SNX8: variants seen among roughly 807,000 people sequenced by gnomAD.
SNX8 encodes sorting nexin-8.
A neutral mutation model predicts 51.6 loss-of-function variants in SNX8; 25 were observed. The ratio of observed to expected loss-of-function variants is 0.48; its 90% CI spans 0.35 to 0.68. SNX8 has a LOEUF of 0.68. Among genes scored for constraint, SNX8 ranks in the 30% least tolerant of loss-of-function variants. The probability of loss-of-function intolerance (pLI) is 0.00; values close to 1 mark genes in which losing one functional copy is unlikely to be tolerated. For synonymous variants in SNX8, 324 were observed against 277.0 expected (o/e 1.17, Z -1.68); for missense variants, 695 against 624.0 (o/e 1.11, Z -1.21).
chr7:2,341,499 CA>C (rs928354248), intron 1 of SNX8, among the ~76,000 whole-genome samples: 2 of 150,688 alleles, frequency 1.3e-5, no homozygotes, highest in East Asian at 2.0e-4. Context: ...GACTCCATCT[CA>C]AAAAAAAGCA....
intron 1 of SNX8, among the ~76,000 whole-genome samples, chr7:2,327,745 T>C (rs1221252254): frequency 6.6e-6 from 1 of 151,826 alleles, no homozygotes; most frequent in Non-Finnish European, 1.5e-5. Context: ...GGTTTCACCG[T>C]GTTAGCCAGG....
intron 2 of SNX8, among the ~76,000 whole-genome samples, chr7:2,275,997 C>CA (rs772419452): frequency 0.034 from 3,599 of 104,758 alleles, 40 homozygotes; most frequent in Middle Eastern, 0.071. Context: ...GACTCCATTT[C>CA]AAAAAAAAAA....
At chr7:2,263,899 T>A (rs773263071) in intron 6 of SNX8, among the ~76,000 whole-genome samples, 8 of 152,024 alleles carry the variant, frequency 5.3e-5, no homozygotes, top group Non-Finnish European at 7.4e-5. Flanking sequence ...GTATTTTTAG[T>A]AGAGACGGGT....
chr7:2,315,153 C>T (rs550157192), upstream of SNX8, among the ~76,000 whole-genome samples: 1 of 151,610 alleles, frequency 6.6e-6, no homozygotes, highest in Non-Finnish European at 1.5e-5. Context: ...CTCACTGCAT[C>T]CTGCATTCAT....
intron 10 of SNX8, among the ~76,000 whole-genome samples, chr7:2,255,636 G>T (rs1410736605): frequency 6.6e-6 from 1 of 152,242 alleles, no homozygotes; most frequent in Non-Finnish European, 1.5e-5. Flanking sequence ...CTACTCGGGA[G>T]GTTGAGGCTG....
chr7:2,309,717 G>C (rs190128313), intron 1 of SNX8: 48 of 455,974 alleles, frequency 1.1e-4, no homozygotes, highest in African/African-American at 8.8e-4. Context: ...GACAACAAGA[G>C]CGAGACTCCA....
At chr7:2,344,563 G>A (rs1202374488) in intron 1 of SNX8, among the ~76,000 whole-genome samples, 1 of 145,198 alleles carries the variant, frequency 6.9e-6, no homozygotes, top group African/African-American at 2.6e-5. Context: ...AGTGGGCCGA[G>A]ATCGCGCCAC....
chr7:2,293,126 G>GCC (rs1241804110), intron 1 of SNX8, among the ~76,000 whole-genome samples: 5 of 150,666 alleles, frequency 3.3e-5, no homozygotes, highest in Non-Finnish European at 5.9e-5. Context: ...ACCAGGCTGG[G>GCC]CACAGTGGCT....
chr7:2,329,767 G>A (rs926638403), intron 1 of SNX8, among the ~76,000 whole-genome samples: 48 of 152,066 alleles, frequency 3.2e-4, no homozygotes, highest in African/African-American at 1.1e-3. Context: ...GGGTATGGAA[G>A]CTCCACCGCC....
rs148843537 is a variant in SNX8 at position 2,312,473 on chromosome 7, T to C, written c.94+1855A>G. On this transcript the variant is annotated intron_variant, in intron 1 of 10. Coordinates refer to ENST00000222990, the MANE Select transcript of SNX8 (RefSeq NM_013321.4). Reference sequence around the variant, plus strand: ...CGCTGGCCTCCAACATGTGACTTCATGGACACAATGTTCTAATCAGCGAGA... The same window carrying C: ...CGCTGGCCTCCAACATGTGACTTCACGGACACAATGTTCTAATCAGCGAGA... 2.4e-3 allele frequency among the ~76,000 whole-genome samples: 358 copies of C among 152,278 alleles called. 3 individuals carry two copies. Among genetic ancestry groups the C allele is most frequent in the Middle Eastern group, 6.8e-3 (2 of 294 alleles).
chr7:2,262,582 T>C (rs1008004590), intron 7 of SNX8, among the ~76,000 whole-genome samples: 4 of 152,182 alleles, frequency 2.6e-5, no homozygotes, highest in African/African-American at 9.7e-5. Flanking sequence ...CCTAGTGGAC[T>C]CAGACAGCAA....
At chr7:2,314,594 T>C (rs528001164), upstream of SNX8, 34 of 547,036 alleles carry the variant, frequency 6.2e-5, no homozygotes, top group African/African-American at 6.9e-4. Flanking sequence ...TCGCCACGCC[T>C]ACAACCCGCC....
At chr7:2,307,190 G>A (rs1345879242) in intron 1 of SNX8, among the ~76,000 whole-genome samples, 1 of 151,790 alleles carries the variant, frequency 6.6e-6, no homozygotes, top group African/African-American at 2.4e-5. Flanking sequence ...TCCCAAAAGG[G>A]ACCCTACCTG....
chr7:2,314,178 C>G, intron 1 of SNX8, 150 bp downstream of exon 1: 1 of 823,870 alleles, frequency 1.2e-6, no homozygotes, highest in Non-Finnish European at 1.6e-6. Context: ...GGCAGGGGGA[C>G]CTCCGAGGGA....
At chr7:2,338,052 G>A (rs537233634) in intron 1 of SNX8, among the ~76,000 whole-genome samples, 1 of 152,118 alleles carries the variant, frequency 6.6e-6, no homozygotes, top group African/African-American at 2.4e-5. Flanking sequence ...AGGGCCAGGC[G>A]CAGTGGCTCA....
At chr7:2,268,565 C>CT in intron 5 of SNX8, among the ~76,000 whole-genome samples, 1 of 146,272 alleles carries the variant, frequency 6.8e-6, no homozygotes, top group Non-Finnish European at 1.5e-5. Context: ...GTCAGCCCCC[C>CT]GCCTGGCCAG....
intron 1 of SNX8, among the ~76,000 whole-genome samples, chr7:2,311,098 G>A (rs185340127): frequency 1.3e-5 from 2 of 152,296 alleles, no homozygotes; most frequent in African/African-American, 4.8e-5. Flanking sequence ...AGCATTCACA[G>A]CTTAAGCTTC....
chr7:2,277,910 C>T (rs1354599951), intron 2 of SNX8, among the ~76,000 whole-genome samples, 190 bp downstream of exon 2: 1 of 151,962 alleles, frequency 6.6e-6, no homozygotes, highest in African/African-American at 2.4e-5. Flanking sequence ...GAGTGAGGTG[C>T]GGGGAGCAGA....
At chr7:2,264,124 G>GT (rs1337669787) in intron 6 of SNX8, among the ~76,000 whole-genome samples, 174 bp downstream of exon 6, 1 of 152,088 alleles carries the variant, frequency 6.6e-6, no homozygotes, top group Non-Finnish European at 1.5e-5. Flanking sequence ...AAATTCTCCC[G>GT]TGTTTCTTCC....
Sources: allele counts gnomAD v4.1 joint callset (sites outside exome capture counted in the v4.1 genomes callset), GRCh38; gene constraint gnomAD v4.1.1; transcripts MANE v1.5; gene names NCBI Gene and HGNC (gene_info 2026-07-23, HGNC 2026-07-21).